The following PDS5A variants were observed in gnomAD, a reference collection of about 807,000 sequenced individuals.
The protein encoded by PDS5A is PDS5 cohesin associated factor A, also known as sister chromatid cohesion protein PDS5 homolog A.
PDS5A carries 42 observed loss-of-function variants against 167.1 expected under a neutral mutation model. The ratio of observed to expected loss-of-function variants is 0.25; its 90% CI spans 0.20 to 0.33. The LOEUF is 0.33. Ranked by LOEUF, PDS5A falls within the 10% of genes least tolerant of loss-of-function variation. The probability of loss-of-function intolerance (pLI) is 1.00; values close to 1 mark genes in which losing one functional copy is unlikely to be tolerated. For synonymous variants in PDS5A, 553 were observed against 554.6 expected, an observed-to-expected ratio of 1.00 and a Z score of 0.04; for missense variants, 1,033 against 1,605.9, an observed-to-expected ratio of 0.64 and a Z score of 6.10.
At position 39,867,774 on chromosome 4, in the gene PDS5A, A is replaced by ACACACC. The variant is rs369419469; in HGVS notation, c.2506-778_2506-777insGGTGTG. Among the ~76,000 whole-genome samples the ACACACC allele has an allele frequency of 4.7e-3, 509 of 108,536 alleles. 5 individuals are homozygous for ACACACC. Among genetic ancestry groups the ACACACC allele is most frequent in the East Asian group, 0.025 (100 of 4,078 alleles). The allele number at this position is 108,536 out of a possible 152,430, so 71.2% of individuals were successfully genotyped here. A position where few individuals can be genotyped will look rare whatever the true frequency, so the allele number is the denominator to read the frequency against. Reference sequence around the variant, plus strand: ...CACACACACACACACACACACACACACCCCACAACTGTACTGATTGTGGTG... The same window carrying ACACACC: ...CACACACACACACACACACACACACACACACCCCCCACAACTGTACTGATTGTGGTG... On this transcript the variant is annotated intron_variant, in intron 22 of 32. Coordinates refer to ENST00000303538, the MANE Select transcript of PDS5A (RefSeq NM_001100399.2).
chr4:39,883,022 T>C (rs1393084703), intron 17 of PDS5A, among the ~76,000 whole-genome samples: 1 of 152,174 alleles, frequency 6.6e-6, no homozygotes, highest in African/African-American at 2.4e-5. Flanking sequence ...TAATTTTCCA[T>C]ACCTAATCTT....
At chr4:39,906,180 C>T (rs1270768010) in intron 11 of PDS5A, among the ~76,000 whole-genome samples, 1 of 152,212 alleles carries the variant, frequency 6.6e-6, no homozygotes, top group African/African-American at 2.4e-5. Flanking sequence ...CCAGCTTGGG[C>T]AACATGGTGA....
intron 26 of PDS5A, among the ~76,000 whole-genome samples, chr4:39,851,284 T>C (rs1206775729): frequency 2.6e-5 from 4 of 152,010 alleles, no homozygotes; most frequent in Non-Finnish European, 4.4e-5. Context: ...CCATTATATA[T>C]AGAACCTATT....
At chr4:39,901,273 T>TTC (rs1560467230) in intron 13 of PDS5A, among the ~76,000 whole-genome samples, 1 of 132,904 alleles carries the variant, frequency 7.5e-6, no homozygotes, top group Non-Finnish European at 1.7e-5. Context: ...TTTCTTTTTT[T>TTC]TTTTTTTTTT....
intron 32 of PDS5A, among the ~76,000 whole-genome samples, chr4:39,826,120 G>A (rs1252054311): frequency 2.0e-5 from 3 of 151,254 alleles, no homozygotes; most frequent in East Asian, 1.9e-4. Flanking sequence ...AATAACTTCT[G>A]ACTCATGAGC....
chr4:39,929,475 G>C (rs952521607), intron 2 of PDS5A, among the ~76,000 whole-genome samples: 22 of 143,142 alleles, frequency 1.5e-4, no homozygotes, highest in African/African-American at 6.0e-4. Context: ...TTCTCAGCTT[G>C]CAGATAGCCT....
chr4:39,883,276 G>C (rs1721118221), intron 17 of PDS5A, among the ~76,000 whole-genome samples: 1 of 152,066 alleles, frequency 6.6e-6, no homozygotes, highest in Non-Finnish European at 1.5e-5. Flanking sequence ...CGCCTCCCAG[G>C]TTCAAGTGAT....
chr4:39,867,759 CA>C (rs1560439890), intron 22 of PDS5A, among the ~76,000 whole-genome samples: 5 of 150,132 alleles, frequency 3.3e-5, no homozygotes, highest in African/African-American at 4.9e-5. Context: ...CACACACACA[CA>C]CACACACACA....
intron 7 of PDS5A, among the ~76,000 whole-genome samples, chr4:39,919,744 T>C (rs28687173): frequency 0.049 from 7,488 of 152,006 alleles, 290 homozygotes; most frequent in East Asian, 0.23. Context: ...GATTGCAAAC[T>C]TTTTTTTCCA....
chr4:39,826,329 G>C (rs1715309996), intron 32 of PDS5A, among the ~76,000 whole-genome samples: 1 of 151,896 alleles, frequency 6.6e-6, no homozygotes, highest in Admixed American at 6.6e-5. Context: ...TAATAGATGA[G>C]ATTAGGGAAA....
chr4:39,969,233 CGTT>C (rs1482906288), intron 2 of PDS5A, among the ~76,000 whole-genome samples: 5 of 152,180 alleles, frequency 3.3e-5, no homozygotes, highest in Admixed American at 3.3e-4. Flanking sequence ...AGGTGACTAG[CGTT>C]GTTCACAACC....
chr4:39,860,028 G>A (rs551831324), intron 26 of PDS5A, among the ~76,000 whole-genome samples: 55 of 152,144 alleles, frequency 3.6e-4, no homozygotes, highest in African/African-American at 1.2e-3. Context: ...GAGCCCAGGA[G>A]TTCAAGACTA....
At chr4:39,867,153 A>G in intron 22 of PDS5A, 156 bp from the exon 23 acceptor site, 2 of 577,350 alleles carry the variant, frequency 3.5e-6, no homozygotes, top group Admixed American at 3.1e-5. Context: ...ACGAACTAAT[A>G]TTTACTCTGT....
chr4:39,955,876 G>A (rs1016855273), intron 2 of PDS5A, among the ~76,000 whole-genome samples: 9 of 151,836 alleles, frequency 5.9e-5, no homozygotes, highest in African/African-American at 1.5e-4. Flanking sequence ...GCACTTTGGG[G>A]GGCCAAGGCA....
chr4:39,977,581 C>CCG lies in PDS5A; in HGVS notation c.-166_-165insCG, dbSNP rs1731243853. On this transcript the variant is annotated 5_prime_UTR_variant, in exon 1 of 33. Coordinates refer to ENST00000303538, the MANE Select transcript of PDS5A (RefSeq NM_001100399.2). The surrounding 1 kb of genome is among the most constrained non-coding windows in gnomAD (Gnocchi z 4.2). ...GGTCCCGCCGCCGCCGCCGCCGCCG[C>CCG]CCGCCCGCCCGGGAGCGGCGCTGGG... 2 of 154,250 alleles carry CCG rather than the reference C, an allele frequency of 1.3e-5. No homozygotes were observed. The highest frequency in any genetic ancestry group is 1.8e-4 in the South Asian group (1 of 5,464). 9.6% of individuals were successfully genotyped at this position (154,250 alleles called of 1,614,324 possible).
At chr4:39,854,670 A>C (rs530464790) in intron 26 of PDS5A, among the ~76,000 whole-genome samples, 1 of 152,352 alleles carries the variant, frequency 6.6e-6, no homozygotes, top group South Asian at 2.1e-4. Flanking sequence ...ATCATATTGT[A>C]ACCACCTCTT....
intron 2 of PDS5A, among the ~76,000 whole-genome samples, chr4:39,959,424 C>T (rs1729275526): frequency 6.6e-6 from 1 of 152,082 alleles, no homozygotes; most frequent in Admixed American, 6.6e-5. Context: ...CGATCATGAC[C>T]ACTGCAGCCT....
At chr4:39,924,422 A>G (rs1725277308) in intron 5 of PDS5A, among the ~76,000 whole-genome samples, 1 of 152,258 alleles carries the variant, frequency 6.6e-6, no homozygotes, top group Non-Finnish European at 1.5e-5. Context: ...ATGCCACAGA[A>G]GTTTCTTCTC....
intron 4 of PDS5A, 31 bp downstream of exon 4, chr4:39,926,744 T>C (rs992589779): frequency 7.8e-7 from 1 of 1,288,822 alleles, no homozygotes; most frequent in East Asian, 2.9e-5. Flanking sequence ...TGAAATAATG[T>C]TAATAGTTAT....
Sources: gnomAD v4.1 joint callset for allele counts (sites outside exome capture counted in the v4.1 genomes callset) on GRCh38, gnomAD v4.1.1 for gene constraint, Gnocchi (gnomAD v3.1) non-coding constraint, MANE v1.5 for transcripts, NCBI Gene and HGNC (gene_info 2026-07-23, HGNC 2026-07-21) for gene names.